Variants in NLRP7 observed in about 807,000 individuals in gnomAD.
NLRP7 encodes the protein NLR family pyrin domain containing 7.
A neutral mutation model predicts 85.5 loss-of-function variants in NLRP7; 72 were observed. The ratio of observed to expected loss-of-function variants is 0.84; its 90% CI spans 0.70 to 1.02. NLRP7 has a LOEUF of 1.02. NLRP7 is among the 50% of genes least tolerant of loss of function. The probability of loss-of-function intolerance (pLI) is 0.00; values close to 1 mark genes in which losing one functional copy is unlikely to be tolerated. For missense variants in NLRP7, 1,243 were observed against 1,219.5 expected, an observed-to-expected ratio of 1.02 and a Z score of -0.29; for synonymous variants, 550 against 505.2, an observed-to-expected ratio of 1.09 and a Z score of -1.19.
chr19:54,937,493 AC>A (rs1286853429), intron 5 of NLRP7, among the ~76,000 whole-genome samples: 1 of 151,902 alleles, frequency 6.6e-6, no homozygotes, highest in Admixed American at 6.6e-5. Flanking sequence ...GGAGTTCGAG[AC>A]AAGCCTGGCC....
intron 1 of NLRP7, among the ~76,000 whole-genome samples, chr19:54,944,843 TAC>T (rs1376897016): frequency 1.3e-5 from 2 of 152,142 alleles, no homozygotes. Context: ...ATGTTATATA[TAC>T]AGTGAAATGA....
chr19:54,962,912 A>C (rs1186273829), intron 1 of NLRP7, among the ~76,000 whole-genome samples: 1 of 151,970 alleles, frequency 6.6e-6, no homozygotes, highest in Non-Finnish European at 1.5e-5. Flanking sequence ...TCACTTTCTT[A>C]TTCTTTCTAG....
intron 1 of NLRP7, among the ~76,000 whole-genome samples, chr19:54,942,255 C>CAAAAAAAAAAA (rs576434793): frequency 5.0e-5 from 3 of 59,440 alleles, no homozygotes; most frequent in African/African-American, 1.2e-4. Flanking sequence ...GACTCCGTCT[C>CAAAAAAAAAAA]AAAAAAAAAA....
At chr19:54,951,116 G>C (rs370603006), upstream of NLRP7, among the ~76,000 whole-genome samples, 15 of 152,178 alleles carry the variant, frequency 9.9e-5, no homozygotes, top group East Asian at 1.9e-4. Context: ...CACAGGGTTG[G>C]GGGTAAGGTC....
chr19:54,940,155 T>C (rs1239674561), exon 4 of NLRP7: 5 of 1,614,078 alleles, frequency 3.1e-6, no homozygotes, highest in East Asian at 2.2e-5. Flanking sequence ...TCTGCAAAAC[T>C]GCAGGGGCCC....
chr19:54,938,770 C>T (rs1044636451), intron 4 of NLRP7, 118 bp downstream of exon 4: 13 of 1,131,156 alleles, frequency 1.1e-5, no homozygotes, highest in African/African-American at 6.1e-5. Flanking sequence ...CGTGTCTCCA[C>T]GTTGAACATG....
rs368327070 is a variant in NLRP7, at chr19:54,923,634, C to A, written c.*106G>T. On this transcript the variant is annotated 3_prime_UTR_variant, in exon 10 of 10. Transcript: ENST00000340844. ...AAAACCAGTGTCAAATCCTACCTCTCGACAGACTCTAGTGTTAACATGTGA... is the reference window on the plus strand; with the variant it reads ...AAAACCAGTGTCAAATCCTACCTCTAGACAGACTCTAGTGTTAACATGTGA... The A allele has an allele frequency of 1.2e-5, 16 of 1,309,010 alleles. No homozygotes were observed. The African/African-American group carries it at 2.3e-4, about 19-fold the overall frequency. 81.1% of individuals were successfully genotyped at this position (1,309,010 alleles called of 1,614,324 possible).
intron 3 of NLRP7, 133 bp from the exon 4 acceptor site, chr19:54,940,599 G>C: frequency 9.8e-7 from 1 of 1,016,270 alleles, no homozygotes; most frequent in South Asian, 1.3e-5. Context: ...GGCCAAGGTG[G>C]GTGGATCACT....
chr19:54,959,252 C>A (rs2069956500), intron 1 of NLRP7, among the ~76,000 whole-genome samples: 1 of 150,538 alleles, frequency 6.6e-6, no homozygotes, highest in Non-Finnish European at 1.5e-5. Flanking sequence ...AATTCTGCTG[C>A]CTCATCCTTC....
At chr19:54,944,505 C>G (rs537545434) in intron 1 of NLRP7, among the ~76,000 whole-genome samples, 1 of 152,024 alleles carries the variant, frequency 6.6e-6, no homozygotes, top group Non-Finnish European at 1.5e-5. Context: ...GAGATAATGA[C>G]CAATAAATAC....
intron 7 of NLRP7, 40 bp from the exon 8 acceptor site, chr19:54,933,779 T>G (rs2068775334): frequency 6.4e-7 from 1 of 1,563,732 alleles, no homozygotes; most frequent in South Asian, 1.1e-5. Flanking sequence ...GATGAGAACA[T>G]TTCCACAACT....
At chr19:54,947,856 G>C (rs2069542595), upstream of NLRP7, 1 of 232,680 alleles carries the variant, frequency 4.3e-6, no homozygotes, top group African/African-American at 2.3e-5. Flanking sequence ...AACTCTTGTA[G>C]AGAAAAAAAA....
rs771345348 is a variant in NLRP7, at chr19:54,939,062, A to G, written c.1757T>C (p.Val586Ala). The change falls in exon 4 of 10, where the codon GTG becomes GCG. Residue 586 changes from valine (V) to alanine (A), a missense_variant. Val to Ala is a moderately conservative substitution (Grantham distance 64, BLOSUM62 0). Transcript: ENST00000340844. ...AATTTCCTTGAACGGGGCCACCACC[A>G]CCTTCGCCAGCTCCTCCTCCTGAGA... 46 of 1,614,016 alleles carry G rather than the reference A, an allele frequency of 2.9e-5. No homozygotes were observed. In the East Asian group the frequency reaches 6.7e-4, roughly 23 times the overall value.
Position 54,934,744 on chromosome 19 carries a change from C to G in NLRP7, c.2301-85G>C. 8.6e-7 allele frequency: 1 copy of G among 1,160,528 alleles called. No homozygotes were observed. Among genetic ancestry groups the G allele is most frequent in the Non-Finnish European group, 1.2e-6 (1 of 825,972 alleles). 71.9% of individuals were successfully genotyped at this position (1,160,528 alleles called of 1,614,324 possible). A position where few individuals can be genotyped will look rare whatever the true frequency, so the allele number is the denominator to read the frequency against. ...TTTTTTTTTGAGACAGAGTTTCACT[C>G]TGTTGCCCAGTCTGGAATGCAAAGG... On this transcript the variant is annotated intron_variant, in intron 6 of 9. Coordinates refer to ENST00000340844, the Ensembl canonical transcript of NLRP7. This position sits in a 1 kb window ranked among gnomAD's most constrained non-coding sequence, Gnocchi z 6.7.
At chr19:54,963,443 A>C (rs1310010026) in intron 1 of NLRP7, among the ~76,000 whole-genome samples, 2 of 152,100 alleles carry the variant, frequency 1.3e-5, no homozygotes, top group Non-Finnish European at 2.9e-5. Context: ...CAACCCAAGC[A>C]CTTTGGGAGG....
upstream of NLRP7, among the ~76,000 whole-genome samples, chr19:54,950,778 T>A (rs147338000): frequency 0.066 from 9,853 of 148,736 alleles, 399 homozygotes; most frequent in African/African-American, 0.11. Context: ...TTGTCTCAAC[T>A]GCAAAGAGGT....
At chr19:54,925,612 C>T (rs2068396309) in intron 9 of NLRP7, among the ~76,000 whole-genome samples, 1 of 152,102 alleles carries the variant, frequency 6.6e-6, no homozygotes, top group East Asian at 1.9e-4. Flanking sequence ...TTGAGAACCT[C>T]GGCAACACGG....
Position 54,934,560 on chromosome 19 carries a change from C to T in NLRP7, c.2400G>A (p.Val800=). 1.2e-6 allele frequency: 2 copies of T among 1,614,088 alleles called. No individual in the cohort carries two copies. Among genetic ancestry groups the T allele is most frequent in the Non-Finnish European group, 8.5e-7 (1 of 1,179,956 alleles). Residue 800 remains valine (V), a synonymous_variant, in exon 7 of 10, where the codon GTG becomes GTA. Coordinates refer to ENST00000340844, the Ensembl canonical transcript of NLRP7. This position sits in a 1 kb window ranked among gnomAD's most constrained non-coding sequence, Gnocchi z 6.7. Reference sequence around the variant, plus strand: ...GCAACATGGCACCCTCATCCAGGAGCACATTGGCTGAGAGACGCAGGTGCT... The same window carrying T: ...GCAACATGGCACCCTCATCCAGGAGTACATTGGCTGAGAGACGCAGGTGCT...
rs1030540835 is a variant in NLRP7, at chr19:54,929,280, G to A, written c.2810+1219C>T. On this transcript the variant is annotated intron_variant, in intron 9 of 9. Coordinates refer to ENST00000340844, the Ensembl canonical transcript of NLRP7. ...ACTACTCAGCTCAATCAGGAGAATCGCTTGAACCTTGGAGGCTGAGGTTGC... is the reference window on the plus strand; with the variant it reads ...ACTACTCAGCTCAATCAGGAGAATCACTTGAACCTTGGAGGCTGAGGTTGC... Among the ~76,000 whole-genome samples, 4 of 151,964 alleles carry A rather than the reference G, an allele frequency of 2.6e-5. No individual in the cohort carries two copies. The South Asian group carries it at 6.2e-4, about 24-fold the overall frequency.
Sources: gnomAD v4.1 joint callset for allele counts (sites outside exome capture counted in the v4.1 genomes callset) on GRCh38, gnomAD v4.1.1 for gene constraint, Gnocchi (gnomAD v3.1) non-coding constraint, MANE v1.5 for transcripts, NCBI Gene and HGNC (gene_info 2026-07-23, HGNC 2026-07-21) for gene names.